PREX2: variants seen among roughly 807,000 people sequenced by gnomAD.
PREX2 encodes phosphatidylinositol-3,4,5-trisphosphate dependent Rac exchange factor 2.
Under a neutral mutation model 203.2 loss-of-function variants are expected in PREX2, and 107 were observed. The ratio of observed to expected loss-of-function variants is 0.53; its 90% CI spans 0.45 to 0.62. PREX2 has a LOEUF of 0.62. Among genes scored for constraint, PREX2 ranks in the 20% least tolerant of loss-of-function variants. The probability of loss-of-function intolerance (pLI) is 0.00; values close to 1 mark genes in which losing one functional copy is unlikely to be tolerated. For missense variants in PREX2, 1,777 were observed against 1,955.9 expected (o/e 0.91, Z 1.72); for synonymous variants, 672 against 663.6 (o/e 1.01, Z -0.19).
At chr8:67,961,494 AT>A (rs1805632008) in intron 1 of PREX2, among the ~76,000 whole-genome samples, 1 of 152,166 alleles carries the variant, frequency 6.6e-6, no homozygotes, top group African/African-American at 2.4e-5. Context: ...GATTTATAAC[AT>A]TGTAGTTGCC....
At chr8:68,121,126 T>C in intron 30 of PREX2, 77 bp downstream of exon 30, 1 of 1,421,490 alleles carries the variant, frequency 7.0e-7, no homozygotes, top group African/African-American at 1.4e-5. Context: ...AAAAGTTTGG[T>C]AATGCCTGAT....
intron 37 of PREX2, among the ~76,000 whole-genome samples, chr8:68,207,520 C>G (rs1812653593): frequency 6.6e-6 from 1 of 151,930 alleles, no homozygotes; most frequent in Non-Finnish European, 1.5e-5. Context: ...AGGAAGTATG[C>G]TAGGGTCTAG....
intron 8 of PREX2, among the ~76,000 whole-genome samples, chr8:68,044,854 C>T (rs1808304388): frequency 6.6e-6 from 1 of 152,042 alleles, no homozygotes; most frequent in Admixed American, 6.6e-5. Flanking sequence ...CCATGGCATT[C>T]ACGGGACTGA....
At chr8:68,095,492 C>A (rs543324065) in intron 21 of PREX2, among the ~76,000 whole-genome samples, 1 of 151,204 alleles carries the variant, frequency 6.6e-6, no homozygotes, top group African/African-American at 2.4e-5. Context: ...TTTTCAGGAA[C>A]GGGGCCAAAT....
At chr8:67,996,731 A>G (rs916748137) in intron 1 of PREX2, among the ~76,000 whole-genome samples, 2 of 152,094 alleles carry the variant, frequency 1.3e-5, no homozygotes, top group African/African-American at 2.4e-5. Flanking sequence ...TCATGATATA[A>G]TTTTCTATCA....
intron 35 of PREX2, among the ~76,000 whole-genome samples, chr8:68,158,611 A>G (rs1193763199): frequency 6.6e-6 from 1 of 152,176 alleles, no homozygotes; most frequent in Non-Finnish European, 1.5e-5. Flanking sequence ...GGGTTGTAGC[A>G]TCAAGTGTGG....
intron 24 of PREX2, 70 bp downstream of exon 24, chr8:68,108,401 C>T (rs983219883): frequency 2.0e-5 from 21 of 1,073,484 alleles, no homozygotes; most frequent in Admixed American, 1.2e-4. Flanking sequence ...TTCATGCATC[C>T]CTGAAATTCA....
At chr8:68,126,629 T>A (rs1163198968) in intron 30 of PREX2, among the ~76,000 whole-genome samples, 1 of 152,152 alleles carries the variant, frequency 6.6e-6, no homozygotes, top group African/African-American at 2.4e-5. Flanking sequence ...TAGAATAGGA[T>A]ATAACTTAAT....
intron 35 of PREX2, among the ~76,000 whole-genome samples, chr8:68,165,684 T>C (rs546800188): frequency 4.5e-4 from 69 of 152,270 alleles, no homozygotes; most frequent in African/African-American, 1.6e-3. Context: ...GAAGTTTTTT[T>C]TTCAGTACCA....
chr8:68,104,331 C>G (rs991869045), intron 23 of PREX2, among the ~76,000 whole-genome samples: 2 of 152,274 alleles, frequency 1.3e-5, no homozygotes, highest in Admixed American at 6.5e-5. Flanking sequence ...AGGATCTGTG[C>G]CCTCCCTGCC....
At chr8:68,084,009 T>C (rs1286772950) in intron 18 of PREX2, among the ~76,000 whole-genome samples, 5 of 152,122 alleles carry the variant, frequency 3.3e-5, no homozygotes, top group African/African-American at 1.2e-4. Context: ...AAGTATTAAC[T>C]AAAGTTTTTA....
At chr8:68,132,606 G>A (rs1341127112) in intron 31 of PREX2, among the ~76,000 whole-genome samples, 1 of 152,040 alleles carries the variant, frequency 6.6e-6, no homozygotes, top group Non-Finnish European at 1.5e-5. Flanking sequence ...AAAAACAGAT[G>A]TTCAGTGTTC....
intron 20 of PREX2, among the ~76,000 whole-genome samples, chr8:68,091,645 A>G (rs1179592249): frequency 2.6e-5 from 4 of 152,222 alleles, no homozygotes; most frequent in African/African-American, 7.2e-5. Flanking sequence ...TGGAAGTTAT[A>G]TATAGGCTCA....
intron 1 of PREX2, among the ~76,000 whole-genome samples, chr8:68,015,734 T>C (rs1807392129): frequency 6.6e-6 from 1 of 152,170 alleles, no homozygotes; most frequent in African/African-American, 2.4e-5. Context: ...AGAACATTTT[T>C]GCGATGAGTA....
chr8:68,127,340 G>A lies in PREX2; in HGVS notation c.3725-38G>A, dbSNP rs199984080. On this transcript the variant is annotated intron_variant, in intron 30 of 39. Coordinates refer to ENST00000288368, the MANE Select transcript of PREX2 (RefSeq NM_024870.4). ...TAAAATATGGTATTTGTGACAGAAA[G>A]AGTGAACAATTAACTGATGTGTTTT... 369 of 1,506,748 alleles carry A rather than the reference G, an allele frequency of 2.4e-4. 2 individuals carry two copies. Among genetic ancestry groups the A allele is most frequent in the Non-Finnish European group, 1.0e-4 (114 of 1,088,364 alleles). The allele number at this position is 1,506,748 out of a possible 1,614,324, so 93.3% of individuals were successfully genotyped here.
intron 32 of PREX2, among the ~76,000 whole-genome samples, chr8:68,135,105 G>A (rs1403017563): frequency 6.6e-6 from 1 of 151,704 alleles, no homozygotes; most frequent in African/African-American, 2.4e-5. Context: ...AATTTTGTGT[G>A]TGTGTGTGTG....
rs142900257 is a variant in PREX2, at chr8:68,064,517, C to T, written c.1339+3738C>T. Among the ~76,000 whole-genome samples the T allele has an allele frequency of 3.5e-4, 49 of 139,600 alleles. No homozygotes were observed. In the East Asian group the frequency reaches 8.2e-3, roughly 23 times the overall value. The allele number at this position is 139,600 out of a possible 152,430, so 91.6% of individuals were successfully genotyped here. On this transcript the variant is annotated intron_variant, in intron 11 of 39. Transcript: ENST00000288368. ...GTGAGTAGTTGGGACCACAGGTGCA[C>T]GCCACCATACCCAGCTAATTTGTTT...
chr8:68,019,856 C>A (rs1807514241), intron 3 of PREX2, among the ~76,000 whole-genome samples, 185 bp downstream of exon 3: 1 of 152,172 alleles, frequency 6.6e-6, no homozygotes, highest in Admixed American at 6.5e-5. Context: ...CTCACATCAT[C>A]CATTTTACTG....
At chr8:68,191,075 A>C (rs534990579) in intron 35 of PREX2, among the ~76,000 whole-genome samples, 29 of 152,212 alleles carry the variant, frequency 1.9e-4, no homozygotes, top group African/African-American at 6.7e-4. Context: ...TGTTTTTTGC[A>C]CAAAGTGTAT....
Sources: gnomAD v4.1 joint callset for allele counts (sites outside exome capture counted in the v4.1 genomes callset) on GRCh38, gnomAD v4.1.1 for gene constraint, MANE v1.5 for transcripts, NCBI Gene and HGNC (gene_info 2026-07-23, HGNC 2026-07-21) for gene names.